DPP3: variants seen among roughly 807,000 people sequenced by gnomAD.
DPP3 encodes the protein dipeptidyl peptidase 3.
Under a neutral mutation model 89.8 loss-of-function variants are expected in DPP3, and 64 were observed. The observed-to-expected ratio is 0.71, with a 90% CI of 0.58 to 0.88. DPP3 has a LOEUF of 0.88. Among genes scored for constraint, DPP3 ranks in the 40% least tolerant of loss-of-function variants. The probability of loss-of-function intolerance (pLI) is 0.00; values close to 1 mark genes in which losing one functional copy is unlikely to be tolerated. For missense variants in DPP3, 835 were observed against 972.5 expected (o/e 0.86, Z 1.88); for synonymous variants, 377 against 404.3 (o/e 0.93, Z 0.81).
rs756186614 is a variant in DPP3 at position 66,491,612 on chromosome 11, C to CCAT, written c.919_921dup (p.Ile307dup). The stretch of plus-strand genomic sequence containing the variant: ...CGCTTCTGGATCCAGGACAAAGGCC[C>CCAT]CATCGTGGAGAGGTGAGGCGCCAGC... On this transcript the variant is annotated inframe_insertion, in exon 8 of 18. Transcript: ENST00000531863. The CCAT allele has an allele frequency of 2.1e-5, 34 of 1,613,438 alleles. No homozygotes were observed. The highest frequency in any genetic ancestry group is 5.0e-5 in the Admixed American group (3 of 59,970).
At chr11:66,498,179 C>T (rs1184542129) in intron 16 of DPP3, among the ~76,000 whole-genome samples, 2 of 152,076 alleles carry the variant, frequency 1.3e-5, no homozygotes, top group Admixed American at 6.6e-5. Context: ...CTGCAAACTC[C>T]GCCTCCTGGG....
intron 1 of DPP3, among the ~76,000 whole-genome samples, chr11:66,481,420 G>A (rs928202162): frequency 1.3e-5 from 2 of 152,064 alleles, no homozygotes; most frequent in Non-Finnish European, 2.9e-5. Flanking sequence ...AACCCGGGAG[G>A]CGGAGGTTGC....
chr11:66,487,227 T>C, intron 4 of DPP3, 41 bp from the exon 5 acceptor site: 1 of 1,603,356 alleles, frequency 6.2e-7, no homozygotes, highest in Non-Finnish European at 8.5e-7. Flanking sequence ...GCCCTGACCT[T>C]GGCAACTCCT....
In DPP3 at chr11:66,492,807, C is replaced by T. The variant is rs747769565; in HGVS notation, c.1080C>T (p.Pro360=). The T allele has an allele frequency of 6.2e-7, 1 of 1,614,044 alleles. No homozygotes were observed. The highest frequency in any genetic ancestry group is 1.3e-5 in the African/African-American group (1 of 75,024). The part of the protein sequence containing the change: ...AEQLLKELPW[P]PTFEKDKFLT... ...AGCTGCTGAAGGAGCTGCCCTGGCC[C>T]CCAACCTTTGAGAAGGACAAGTTCC... Residue 360 remains proline, a synonymous_variant, in exon 10 of 18, where the codon CCC becomes CCT. Coordinates refer to ENST00000531863, the MANE Select transcript of DPP3 (RefSeq NM_130443.4).
rs765043934 is a variant in DPP3, at chr11:66,495,655, G to A, written c.1603G>A (p.Ala535Thr). The A allele has an allele frequency of 1.9e-6, 3 of 1,614,190 alleles. No individual in the cohort carries two copies. The highest frequency in any genetic ancestry group is 1.7e-4 in the Middle Eastern group (1 of 6,058). ...LEIFGFEGADAEDVIYVNWLN... is the reference protein window; with the variant it reads ...LEIFGFEGADTEDVIYVNWLN... ...GATCTTTGGCTTTGAGGGGGCTGAT[G>A]CGGAGGACGTGATCTACGTGAACTG... Residue 535 changes from alanine (A) to threonine (T), a missense_variant, in exon 15 of 18, where the codon GCG (alanine) becomes ACG (threonine). Transcript: ENST00000531863.
In DPP3 at chr11:66,488,157, C is replaced by T; in HGVS notation, c.667+150C>T. Reference sequence around the variant, plus strand: ...TAAGTCCTGGGAATGGCTCTAGTTTCTCTAAATCAGTCCCCTATTTGTCTG... The same window carrying T: ...TAAGTCCTGGGAATGGCTCTAGTTTTTCTAAATCAGTCCCCTATTTGTCTG... On this transcript the variant is annotated intron_variant, in intron 6 of 17. Transcript: ENST00000531863. 5.7e-6 allele frequency: 4 copies of T among 698,924 alleles called. No individual in the cohort carries two copies. In the South Asian group the frequency reaches 7.7e-5, roughly 14 times the overall value. The allele number at this position is 698,924 out of a possible 1,614,324, so 43.3% of individuals were successfully genotyped here. A position where few individuals can be genotyped will look rare whatever the true frequency, so the allele number is the denominator to read the frequency against.
At chr11:66,480,662 A>T (rs1009718982) in intron 1 of DPP3, 197 bp downstream of exon 1, 1 of 541,022 alleles carries the variant, frequency 1.8e-6, no homozygotes, top group Non-Finnish European at 2.9e-6. Context: ...AGGCTGTGCT[A>T]TTGGGGCGGG....
chr11:66,509,137 C>T lies in DPP3; in HGVS notation c.2100C>T (p.Phe700=), dbSNP rs139936930. ...CAGCTGCTGGCCTCATCCGATCCTT[C>T]TCTGAGCGTTTCCCAGAGGATGGAC... ...EASAAGLIRS[F]SERFPEDGPE... is the part of the protein sequence containing the mutation. The change falls in exon 18 of 18, where the codon TTC becomes TTT. Residue 700 remains phenylalanine, a synonymous_variant. Coordinates refer to ENST00000531863, the MANE Select transcript of DPP3 (RefSeq NM_130443.4). 1.2e-6 allele frequency: 2 copies of T among 1,614,246 alleles called. No homozygotes were observed. The highest frequency in any genetic ancestry group is 1.3e-5 in the African/African-American group (1 of 75,068).
rs79850983 is a variant in DPP3 at position 66,505,571 on chromosome 11, A to G, written c.2041+797A>G. Among the ~76,000 whole-genome samples the G allele has an allele frequency of 6.8e-3, 1,041 of 152,366 alleles. 16 individuals carry two copies. The highest frequency in any genetic ancestry group is 0.023 in the African/African-American group (938 of 41,592). The stretch of plus-strand genomic sequence containing the variant: ...GGGGATTAACCTTTTAAATCCTTGC[A>G]GTAGCCCAATAAGGTAGGTATTGTT... On this transcript the variant is annotated intron_variant, in intron 17 of 17. Transcript: ENST00000531863.
chr11:66,483,345 A>T (rs1301092434), intron 2 of DPP3, among the ~76,000 whole-genome samples: 4 of 152,072 alleles, frequency 2.6e-5, no homozygotes, highest in Admixed American at 2.6e-4. Context: ...AGCCTTTTCA[A>T]TCCCATCTGT....
Position 66,497,314 on chromosome 11 carries a change from G to A in DPP3, c.1715G>A (p.Arg572Gln), listed in dbSNP as rs777823683. ...FNWRQAHMQA[R>Q]FVILRVLLEA... ...CTCCGGCAGGCCCATATGCAGGCCCGGTTTGTGATCCTGAGAGTCTTGCTG... is the reference window on the plus strand; with the variant it reads ...CTCCGGCAGGCCCATATGCAGGCCCAGTTTGTGATCCTGAGAGTCTTGCTG... The change falls in exon 16 of 18, where the codon CGG becomes CAG. Residue 572 changes from arginine (R) to glutamine (Q), a missense_variant. Coordinates refer to ENST00000531863, the MANE Select transcript of DPP3 (RefSeq NM_130443.4). The A allele has an allele frequency of 9.3e-6, 15 of 1,613,710 alleles. 1 individual carries two copies. The highest frequency in any genetic ancestry group is 5.0e-5 in the Admixed American group (3 of 60,002).
At chr11:66,498,132 C>T (rs542868406) in intron 16 of DPP3, among the ~76,000 whole-genome samples, 7 of 144,252 alleles carry the variant, frequency 4.9e-5, no homozygotes, top group South Asian at 2.3e-4. Flanking sequence ...CTCGCTCTGT[C>T]GCCCAGGCTG....
At chr11:66,494,925 CTT>C (rs547983473) in intron 12 of DPP3, among the ~76,000 whole-genome samples, 83 of 152,274 alleles carry the variant, frequency 5.5e-4, no homozygotes, top group African/African-American at 2.0e-3. Flanking sequence ...CCTCACAGGA[CTT>C]GGGGCAAGTC....
chr11:66,491,791 C>A (rs748859805), intron 9 of DPP3, 35 bp downstream of exon 9: 13 of 1,609,892 alleles, frequency 8.1e-6, no homozygotes, highest in Non-Finnish European at 1.1e-5. Flanking sequence ...GTCACAGTCC[C>A]TTCCCCCACA....
intron 2 of DPP3, chr11:66,483,179 ACCACACCGG>A (rs1162768221): frequency 6.6e-6 from 1 of 152,120 alleles, no homozygotes; most frequent in African/African-American, 2.4e-5. Flanking sequence ...GGTATGTGCC[ACCACACCGG>A]GCTAATTTTT....
At chr11:66,489,800 GC>G (rs1855327249) in intron 6 of DPP3, among the ~76,000 whole-genome samples, 1 of 152,172 alleles carries the variant, frequency 6.6e-6, no homozygotes, top group Non-Finnish European at 1.5e-5. Context: ...GGTGCTGGCT[GC>G]CGGCTGGAAC....
intron 16 of DPP3, among the ~76,000 whole-genome samples, chr11:66,502,384 T>G (rs1404170832): frequency 6.6e-6 from 1 of 151,892 alleles, no homozygotes; most frequent in Non-Finnish European, 1.5e-5. Flanking sequence ...CTTGGCTTAT[T>G]GCAGCCTCTG....
At chr11:66,490,767 G>GTTTTTTTTTTTTTTTTTTTTTTT (rs1441207501) in intron 6 of DPP3, among the ~76,000 whole-genome samples, 1 of 138,090 alleles carries the variant, frequency 7.2e-6, no homozygotes, top group East Asian at 2.1e-4. Context: ...TGTTTTTTTT[G>GTTTTTTTTTTTTTTTTTTTTTTT]TTTTGTTTTT....
intron 16 of DPP3, among the ~76,000 whole-genome samples, chr11:66,502,820 T>G (rs1438532096): frequency 6.6e-6 from 1 of 151,762 alleles, no homozygotes; most frequent in Non-Finnish European, 1.5e-5. Flanking sequence ...AGGATGGTCT[T>G]GATCTACTGA....
Sources: allele counts gnomAD v4.1 joint callset (sites outside exome capture counted in the v4.1 genomes callset), GRCh38; gene constraint gnomAD v4.1.1; transcripts MANE v1.5; gene names NCBI Gene and HGNC (gene_info 2026-07-23, HGNC 2026-07-21).